The following FHIP2A variants were observed in gnomAD, a reference collection of about 807,000 sequenced individuals.
The protein encoded by FHIP2A is FHF complex subunit HOOK interacting protein 2A, also known as family with sequence similarity 160 member B1.
Under a neutral mutation model 93.5 loss-of-function variants are expected in FHIP2A, and 46 were observed. The observed-to-expected ratio is 0.49, with a 90% CI of 0.39 to 0.63. The LOEUF (loss-of-function observed/expected upper bound fraction) is 0.63. Ranked by LOEUF, FHIP2A falls within the 20% of genes least tolerant of loss-of-function variation. FHIP2A has a pLI of 0.00. For synonymous variants in FHIP2A, 332 were observed against 326.5 expected (o/e 1.02, Z -0.18); for missense variants, 769 against 909.7 (o/e 0.85, Z 1.99).
At chr10:114,838,063 T>C (rs1366647041) in intron 5 of FHIP2A, among the ~76,000 whole-genome samples, 1 of 152,184 alleles carries the variant, frequency 6.6e-6, no homozygotes, top group Non-Finnish European at 1.5e-5. Flanking sequence ...GGTAAGTGTG[T>C]ATTTATTTTC....
At chr10:114,857,575 C>T (rs1354354316) in intron 14 of FHIP2A, among the ~76,000 whole-genome samples, 1 of 151,740 alleles carries the variant, frequency 6.6e-6, no homozygotes, top group Non-Finnish European at 1.5e-5. Flanking sequence ...CTCCCAAAGT[C>T]CTGGGATTAC....
In FHIP2A at chr10:114,846,655, AATT is replaced by A; in HGVS notation, c.1498_1500del (p.Tyr500del). On this transcript the variant is annotated inframe_deletion, in exon 11 of 17. Transcript: ENST00000369248. The stretch of plus-strand genomic sequence containing the variant: ...GGTCTTGAGAAATCTTGAAGAAAGA[AATT>A]ATACAGAATATAAACCTTTGTGCCC... 6.2e-7 allele frequency: 1 copy of A among 1,612,252 alleles called. No homozygotes were observed. The highest frequency in any genetic ancestry group is 8.5e-7 in the Non-Finnish European group (1 of 1,179,418).
intron 1 of FHIP2A, among the ~76,000 whole-genome samples, chr10:114,830,269 A>ATT (rs2083600179): frequency 1.8e-5 from 2 of 111,722 alleles, no homozygotes; most frequent in African/African-American, 8.8e-5. Context: ...TCTGAAACCT[A>ATT]CTTTTTTTTT....
At chr10:114,843,502 C>T (rs973807925) in intron 6 of FHIP2A, among the ~76,000 whole-genome samples, 1 of 151,978 alleles carries the variant, frequency 6.6e-6, no homozygotes, top group Admixed American at 6.6e-5. Flanking sequence ...TGGGGTTTCA[C>T]CATGTTGACC....
chr10:114,854,017 A>G lies in FHIP2A; in HGVS notation c.1804-1180A>G, dbSNP rs61868013. ...AGTGCTTTAAATTTCTTTTGTTTCA[A>G]TTCAAGTAAATTACATATTGGGGGA... On this transcript the variant is annotated intron_variant, in intron 13 of 16. Transcript: ENST00000369248. Among the ~76,000 whole-genome samples the G allele has an allele frequency of 6.5e-3, 996 of 152,324 alleles. 8 individuals carry two copies. Among genetic ancestry groups the G allele is most frequent in the Non-Finnish European group, 0.011 (724 of 68,020 alleles).
intron 13 of FHIP2A, among the ~76,000 whole-genome samples, chr10:114,853,741 G>A (rs1406144510): frequency 6.6e-6 from 1 of 152,202 alleles, no homozygotes; most frequent in African/African-American, 2.4e-5. Context: ...GCTCATGCCT[G>A]TAATCCTAGC....
chr10:114,833,590 A>T lies in FHIP2A; in HGVS notation c.294+188A>T, dbSNP rs576943763. On this transcript the variant is annotated intron_variant, in intron 3 of 16. Transcript: ENST00000369248. ...TGTCCATAGAGATAGAAAGATTCCA[A>T]ACACTCTAGACAACAACTTGTACTT... 3 of 527,228 alleles carry T rather than the reference A, an allele frequency of 5.7e-6. No homozygotes were observed. The African/African-American group carries it at 5.9e-5, about 10-fold the overall frequency. The allele number at this position is 527,228 out of a possible 1,614,324, so 32.7% of individuals were successfully genotyped here.
At chr10:114,849,346 C>G (rs1443668409) in intron 13 of FHIP2A, among the ~76,000 whole-genome samples, 2 of 152,022 alleles carry the variant, frequency 1.3e-5, no homozygotes, top group Non-Finnish European at 2.9e-5. Flanking sequence ...CCACCATGCA[C>G]CCTTGATCCT....
At position 114,855,135 on chromosome 10, in the gene FHIP2A, A is replaced by G. The variant is rs2083759100; in HGVS notation, c.1804-62A>G. On this transcript the variant is annotated intron_variant, in intron 13 of 16. Transcript: ENST00000369248. The stretch of plus-strand genomic sequence containing the variant: ...TTTTATATGCCTATTTAATGAAATC[A>G]TTTCTATTTCATCTTAATTTGTTTT... The G allele has an allele frequency of 9.2e-6, 14 of 1,529,800 alleles. 1 individual carries two copies. The South Asian group carries it at 1.7e-4, about 18-fold the overall frequency. The allele number at this position is 1,529,800 out of a possible 1,614,324, so 94.8% of individuals were successfully genotyped here.
chr10:114,882,386 A>C (rs1256817570), intron 16 of FHIP2A, among the ~76,000 whole-genome samples: 8 of 152,192 alleles, frequency 5.3e-5, no homozygotes, highest in African/African-American at 1.9e-4. Context: ...ATATATCCCA[A>C]TGCTCACCTA....
At chr10:114,843,265 T>G in intron 6 of FHIP2A, 39 bp downstream of exon 6, 1 of 1,269,594 alleles carries the variant, frequency 7.9e-7, no homozygotes, top group Non-Finnish European at 1.1e-6. Flanking sequence ...CTAACATTAT[T>G]TCAATAATGT....
chr10:114,881,867 A>G (rs932253413), intron 16 of FHIP2A, among the ~76,000 whole-genome samples: 3 of 152,238 alleles, frequency 2.0e-5, no homozygotes, highest in African/African-American at 7.2e-5. Context: ...TTGTAAGCCC[A>G]GGTGGTTCAT....
At position 114,863,134 on chromosome 10, in the gene FHIP2A, C is replaced by T. The variant is rs2083810210; in HGVS notation, c.*1594C>T. ...CTAATTTCATGCAAATCTTTGTTAG[C>T]TTATTCTAAGAAATTTATTAAGTAA... On this transcript the variant is annotated 3_prime_UTR_variant, in exon 17 of 17. Coordinates refer to ENST00000369248, the MANE Select transcript of FHIP2A (RefSeq NM_020940.4). The T allele has an allele frequency of 1.0e-6, 1 of 979,740 alleles. No homozygotes were observed. Among genetic ancestry groups the T allele is most frequent in the South Asian group, 4.7e-5 (1 of 21,196 alleles). 60.7% of individuals were successfully genotyped at this position (979,740 alleles called of 1,614,324 possible). A position where few individuals can be genotyped will look rare whatever the true frequency, so the allele number is the denominator to read the frequency against.
chr10:114,874,622 C>A (rs186181808), intron 16 of FHIP2A, among the ~76,000 whole-genome samples: 2 of 152,288 alleles, frequency 1.3e-5, no homozygotes, highest in Admixed American at 1.3e-4. Flanking sequence ...TCTGTCTCTG[C>A]CTCCTGAGCA....
Position 114,863,717 on chromosome 10 carries a change from A to G in FHIP2A, c.*2177A>G, listed in dbSNP as rs2083813984. 1.5e-6 allele frequency: 2 copies of G among 1,298,098 alleles called. No homozygotes were observed. Among genetic ancestry groups the G allele is most frequent in the South Asian group, 1.3e-5 (1 of 79,484 alleles). 80.4% of individuals were successfully genotyped at this position (1,298,098 alleles called of 1,614,324 possible). Reference sequence around the variant, plus strand: ...TGTTAGTGAAACATTGTACTGCATCACCAGTTTTTCTTACCTTCTGTTGAC... The same window carrying G: ...TGTTAGTGAAACATTGTACTGCATCGCCAGTTTTTCTTACCTTCTGTTGAC... On this transcript the variant is annotated 3_prime_UTR_variant, in exon 17 of 17. Transcript: ENST00000369248.
At chr10:114,896,109 G>A (rs1214630564) in intron 16 of FHIP2A, among the ~76,000 whole-genome samples, 1 of 152,080 alleles carries the variant, frequency 6.6e-6, no homozygotes, top group Non-Finnish European at 1.5e-5. Context: ...TACCAAGGGG[G>A]AAATTGAGCT....
intron 16 of FHIP2A, among the ~76,000 whole-genome samples, chr10:114,882,331 T>A (rs953469598): frequency 1.9e-4 from 29 of 152,240 alleles, no homozygotes; most frequent in Non-Finnish European, 1.5e-5. Flanking sequence ...TGCTACGCTC[T>A]GTGCCTCTGT....
At position 114,835,577 on chromosome 10, in the gene FHIP2A, C is replaced by G; in HGVS notation, c.335C>G (p.Thr112Arg). 6.2e-7 allele frequency: 1 copy of G among 1,613,278 alleles called. No homozygotes were observed. Among genetic ancestry groups the G allele is most frequent in the Non-Finnish European group, 8.5e-7 (1 of 1,179,410 alleles). Reference sequence around the variant, plus strand: ...AAACAGCAGGTTTTGGTTTTCTATACGAAACTTCTGGGAAGAATCCGGCAG... The same window carrying G: ...AAACAGCAGGTTTTGGTTTTCTATAGGAAACTTCTGGGAAGAATCCGGCAG... ...GMKQQVLVFY[T>R]KLLGRIRQPL... Residue 112 changes from threonine to arginine, a missense_variant, in exon 4 of 17, where the codon ACG (threonine) becomes AGG (arginine). Transcript: ENST00000369248.
chr10:114,830,486 G>A (rs1198126978), intron 1 of FHIP2A, among the ~76,000 whole-genome samples: 2 of 151,780 alleles, frequency 1.3e-5, no homozygotes, highest in African/African-American at 4.8e-5. Context: ...TTGCCCGGCT[G>A]GTCTTGAACT....
Sources: allele counts gnomAD v4.1 joint callset (sites outside exome capture counted in the v4.1 genomes callset), GRCh38; gene constraint gnomAD v4.1.1; transcripts MANE v1.5; gene names NCBI Gene and HGNC (gene_info 2026-07-23, HGNC 2026-07-21).